PIGN: variants seen among roughly 807,000 people sequenced by gnomAD.
PIGN encodes the protein GPI ethanolamine phosphate transferase 1.
A neutral mutation model predicts 125.4 loss-of-function variants in PIGN; 117 were observed. The ratio of observed to expected loss-of-function variants is 0.93; its 90% CI spans 0.80 to 1.09. The LOEUF (loss-of-function observed/expected upper bound fraction) is 1.09, where lower values mean the gene tolerates loss of function less well. Ranked by LOEUF, PIGN falls within the 50% of genes least tolerant of loss-of-function variation. The pLI, the probability that PIGN is intolerant of heterozygous loss-of-function variation, is 0.00. For missense variants in PIGN, 1,075 were observed against 1,094.9 expected, an observed-to-expected ratio of 0.98 and a Z score of 0.26; for synonymous variants, 392 against 377.8, an observed-to-expected ratio of 1.04 and a Z score of -0.44.
chr18:62,171,017 C>T (rs573648003), intron 1 of PIGN, among the ~76,000 whole-genome samples: 6 of 152,194 alleles, frequency 3.9e-5, no homozygotes, highest in South Asian at 2.1e-4. Flanking sequence ...GCTGCAGAAG[C>T]GAAGTCAGTA....
intron 23 of PIGN, among the ~76,000 whole-genome samples, chr18:62,019,941 TGAG>T (rs1410620025): frequency 6.6e-6 from 1 of 152,188 alleles, no homozygotes; most frequent in Non-Finnish European, 1.5e-5. Context: ...GCTGCTGAAC[TGAG>T]GAGACAGAAA....
chr18:62,064,748 AACTTTTCCCAATC>A (rs755381548), intron 30 of PIGN, among the ~76,000 whole-genome samples: 68 of 152,202 alleles, frequency 4.5e-4, no homozygotes, highest in Non-Finnish European at 8.7e-4. Context: ...AATAATCCTT[AACTTTTCCCAATC>A]ACTGTTTAAC....
intron 1 of PIGN, among the ~76,000 whole-genome samples, chr18:62,172,579 G>GCATTTGTAAATGCAAATGTA (rs2037378456): frequency 6.6e-6 from 1 of 151,860 alleles, no homozygotes; most frequent in African/African-American, 2.4e-5. Context: ...ATGCAAATGT[G>GCATTTGTAAATGCAAATGTA]CATTTGTAAA....
intron 7 of PIGN, 72 bp from the exon 8 acceptor site, chr18:62,148,410 T>C: frequency 9.6e-7 from 1 of 1,046,082 alleles, no homozygotes; most frequent in East Asian, 3.0e-5. Flanking sequence ...GATGAAAACA[T>C]TTAAATTTAT....
chr18:62,030,433 G>T (rs1457416679), intron 23 of PIGN, among the ~76,000 whole-genome samples: 1 of 152,192 alleles, frequency 6.6e-6, no homozygotes, highest in Non-Finnish European at 1.5e-5. Flanking sequence ...GGACAACCGG[G>T]TTTATCATAA....
intron 1 of PIGN, among the ~76,000 whole-genome samples, chr18:62,182,313 C>T (rs866447340): frequency 1.9e-4 from 24 of 127,140 alleles, no homozygotes; most frequent in African/African-American, 5.6e-4. Context: ...TCTACATGGA[C>T]GTTTCAAAGA....
At chr18:62,061,397 C>T (rs1265237385) in intron 30 of PIGN, among the ~76,000 whole-genome samples, 4 of 151,216 alleles carry the variant, frequency 2.6e-5, no homozygotes, top group African/African-American at 7.3e-5. Context: ...GACAGATTCC[C>T]GCCATTTCAG....
rs192998419 is a variant in PIGN at position 62,142,489 on chromosome 18, G to T, written c.963+817C>A. On this transcript the variant is annotated intron_variant, in intron 11 of 30. Transcript: ENST00000640252. ...ATAAACTGCTATTCTGACTTTATATGTTCATGTTCATTTACTTGGGTAGTA... is the reference window on the plus strand; with the variant it reads ...ATAAACTGCTATTCTGACTTTATATTTTCATGTTCATTTACTTGGGTAGTA... 5.3e-5 allele frequency among the ~76,000 whole-genome samples: 8 copies of T among 152,274 alleles called. No homozygotes were observed. In the East Asian group the frequency reaches 1.5e-3, roughly 29 times the overall value.
At chr18:62,084,656 T>C (rs1210718591) in intron 26 of PIGN, 50 bp from the exon 27 acceptor site, 2 of 1,090,652 alleles carry the variant, frequency 1.8e-6, no homozygotes, top group South Asian at 1.4e-5. Flanking sequence ...TCTGTAACTT[T>C]AAAAGAATAT....
At chr18:62,109,657 G>C (rs1268164281) in intron 17 of PIGN, among the ~76,000 whole-genome samples, 177 bp downstream of exon 17, 3 of 152,128 alleles carry the variant, frequency 2.0e-5, no homozygotes, top group Non-Finnish European at 2.9e-5. Context: ...CAGAAAGAAT[G>C]TTTATATCCT....
chr18:62,064,241 A>G (rs967952152), intron 30 of PIGN, among the ~76,000 whole-genome samples: 1 of 152,194 alleles, frequency 6.6e-6, no homozygotes, highest in African/African-American at 2.4e-5. Context: ...CATTATCATT[A>G]TGTCTTTAAA....
chr18:62,072,998 A>T (rs1052966676), intron 29 of PIGN, among the ~76,000 whole-genome samples: 4 of 152,220 alleles, frequency 2.6e-5, no homozygotes, highest in Non-Finnish European at 5.9e-5. Flanking sequence ...ATCAATAAAA[A>T]AAACTAGATA....
intron 1 of PIGN, among the ~76,000 whole-genome samples, chr18:62,179,597 T>C (rs529794551): frequency 8.6e-5 from 13 of 151,970 alleles, no homozygotes; most frequent in Admixed American, 7.9e-4. Context: ...TGCAAAAAAA[T>C]TAGTCAGGCA....
chr18:62,154,235 T>C, intron 7 of PIGN: 1 of 400,426 alleles, frequency 2.5e-6, no homozygotes, highest in Non-Finnish European at 4.3e-6. Context: ...GGTCCATTAC[T>C]ACAAGAGTCT....
chr18:62,107,330 C>A, intron 17 of PIGN: 1 of 408,018 alleles, frequency 2.5e-6, no homozygotes, highest in Non-Finnish European at 4.5e-6. Flanking sequence ...TGCAGTGGCT[C>A]AGGCCTGTAA....
chr18:62,147,814 T>C (rs1313211873), intron 8 of PIGN, among the ~76,000 whole-genome samples: 1 of 152,142 alleles, frequency 6.6e-6, no homozygotes, highest in African/African-American at 2.4e-5. Flanking sequence ...ATTTGCTAGA[T>C]ACAATACTAA....
At position 62,127,473 on chromosome 18, in the gene PIGN, G is replaced by A. The variant is rs78405715; in HGVS notation, c.1172+10770C>T. Among the ~76,000 whole-genome samples, 1,464 of 151,682 alleles carry A rather than the reference G, an allele frequency of 9.7e-3. 47 individuals carry two copies. The highest frequency in any genetic ancestry group is 0.068 in the East Asian group (351 of 5,142). On this transcript the variant is annotated intron_variant, in intron 14 of 30. Transcript: ENST00000640252. ...CCATCATAAAGTCGAAAAATCCTAAGTCAAACCACTGCAGCCGAAGTATCT... is the reference window on the plus strand; with the variant it reads ...CCATCATAAAGTCGAAAAATCCTAAATCAAACCACTGCAGCCGAAGTATCT...
At chr18:62,050,794 T>A (rs1255695202) in intron 30 of PIGN, among the ~76,000 whole-genome samples, 2 of 151,980 alleles carry the variant, frequency 1.3e-5, no homozygotes, top group Non-Finnish European at 2.9e-5. Context: ...TCAAAGGGAA[T>A]GTTTCCAGTT....
At chr18:62,117,635 T>C (rs908930893) in intron 14 of PIGN, among the ~76,000 whole-genome samples, 1 of 152,158 alleles carries the variant, frequency 6.6e-6, no homozygotes, top group African/African-American at 2.4e-5. Flanking sequence ...TTATATCCTC[T>C]ATTCTTTTCA....
Sources: allele counts gnomAD v4.1 joint callset (sites outside exome capture counted in the v4.1 genomes callset), GRCh38; gene constraint gnomAD v4.1.1; transcripts MANE v1.5; gene names NCBI Gene and HGNC (gene_info 2026-07-23, HGNC 2026-07-21).